Variants in SEL1L2 observed in about 807,000 individuals in gnomAD.
The protein encoded by SEL1L2 is protein sel-1 homolog 2.
SEL1L2 carries 89 observed loss-of-function variants against 98.8 expected under a neutral mutation model. The observed-to-expected ratio is 0.90, with a 90% CI of 0.76 to 1.07. The LOEUF is 1.07. SEL1L2 is among the 50% of genes least tolerant of loss of function. The pLI, the probability that SEL1L2 is intolerant of heterozygous loss-of-function variation, is 0.00. For missense variants in SEL1L2, 788 were observed against 812.0 expected (o/e 0.97, Z 0.36); for synonymous variants, 262 against 278.5 (o/e 0.94, Z 0.59).
intron 5 of SEL1L2, among the ~76,000 whole-genome samples, chr20:13,909,707 T>TG (rs2048131354): frequency 6.6e-6 from 1 of 152,132 alleles, no homozygotes; most frequent in Non-Finnish European, 1.5e-5. Flanking sequence ...AGGCTGGGTG[T>TG]GGTGGCTCAG....
At chr20:13,937,408 A>G (rs1021246978) in intron 2 of SEL1L2, among the ~76,000 whole-genome samples, 4 of 152,212 alleles carry the variant, frequency 2.6e-5, no homozygotes, top group African/African-American at 9.7e-5. Flanking sequence ...TTCGTGCCTT[A>G]CAAAGTCTAG....
chr20:13,870,037 G>T, intron 13 of SEL1L2, 104 bp downstream of exon 13: 1 of 795,638 alleles, frequency 1.3e-6, no homozygotes, highest in Non-Finnish European at 2.1e-6. Flanking sequence ...TCACAGTTTG[G>T]CAAACCAGAT....
chr20:13,882,604 T>C (rs374554310), intron 10 of SEL1L2, among the ~76,000 whole-genome samples: 2 of 152,196 alleles, frequency 1.3e-5, no homozygotes, highest in Non-Finnish European at 2.9e-5. Context: ...CTCTAGCTAA[T>C]GTTCCAGCTA....
At chr20:13,868,237 C>G (rs1397311956) in intron 14 of SEL1L2, among the ~76,000 whole-genome samples, 4 of 152,016 alleles carry the variant, frequency 2.6e-5, no homozygotes, top group African/African-American at 9.7e-5. Context: ...TCATCCTTTC[C>G]ACCCTCTCTC....
At chr20:13,897,932 G>A (rs2047492751) in intron 5 of SEL1L2, among the ~76,000 whole-genome samples, 1 of 151,124 alleles carries the variant, frequency 6.6e-6, no homozygotes, top group Non-Finnish European at 1.5e-5. Flanking sequence ...TGTTAAGATG[G>A]CCACTATAAA....
At chr20:13,909,169 T>C (rs958664743) in intron 5 of SEL1L2, among the ~76,000 whole-genome samples, 2 of 152,180 alleles carry the variant, frequency 1.3e-5, no homozygotes, top group Admixed American at 1.3e-4. Flanking sequence ...TCTGTTGCTA[T>C]GTTGTCCTCA....
chr20:13,945,866 G>C (rs895610202), intron 2 of SEL1L2, among the ~76,000 whole-genome samples: 2 of 151,922 alleles, frequency 1.3e-5, no homozygotes, highest in East Asian at 3.9e-4. Context: ...TGTAGAAAAA[G>C]AATTTGACAA....
intron 2 of SEL1L2, among the ~76,000 whole-genome samples, chr20:13,935,515 C>T (rs753775324): frequency 3.9e-5 from 6 of 152,110 alleles, no homozygotes; most frequent in Admixed American, 6.6e-5. Context: ...GAGTTAGCCA[C>T]GCAAATAAAC....
chr20:13,946,467 A>T lies in SEL1L2; in HGVS notation c.114+9609T>A, dbSNP rs988487641. 8.5e-5 allele frequency among the ~76,000 whole-genome samples: 13 copies of T among 152,360 alleles called. No individual in the cohort carries two copies. The East Asian group carries it at 1.7e-3, about 20-fold the overall frequency. ...AGACTTGTATTAAAAAAACTATAAA[A>T]CTTGCTGAAATAAATTAAAGAAGAC... On this transcript the variant is annotated intron_variant, in intron 2 of 19. Coordinates refer to ENST00000284951, the MANE Select transcript of SEL1L2 (RefSeq NM_025229.2).
intron 2 of SEL1L2, among the ~76,000 whole-genome samples, chr20:13,942,653 T>C (rs1225148227): frequency 6.6e-6 from 1 of 152,188 alleles, no homozygotes; most frequent in Non-Finnish European, 1.5e-5. Flanking sequence ...ACATCAGTCA[T>C]AATACAGTGA....
intron 17 of SEL1L2, 86 bp from the exon 18 acceptor site, chr20:13,859,520 A>G: frequency 8.3e-7 from 1 of 1,202,450 alleles, no homozygotes; most frequent in South Asian, 1.5e-5. Flanking sequence ...ATCTTGTTTC[A>G]GTCCTTTAAA....
At chr20:13,891,394 C>T (rs549914569) in intron 5 of SEL1L2, among the ~76,000 whole-genome samples, 10 of 152,246 alleles carry the variant, frequency 6.6e-5, no homozygotes, top group South Asian at 2.1e-4. Flanking sequence ...CCAGGCCAGG[C>T]GCAGTGGTGC....
intron 1 of SEL1L2, among the ~76,000 whole-genome samples, chr20:13,987,839 TTGA>T (rs1748390645): frequency 2.0e-5 from 3 of 152,236 alleles, no homozygotes; most frequent in Admixed American, 2.0e-4. Flanking sequence ...TGTCATTTTG[TTGA>T]TGAGTTGTAA....
chr20:13,935,310 A>AAACC lies in SEL1L2; in HGVS notation c.115-3543_115-3540dup, dbSNP rs1324009264. ...TGCTCTCAGAGCCAGGGATACAGCC[A>AAACC]AACCAACCAACCAAACAAACAAAGT... On this transcript the variant is annotated intron_variant, in intron 2 of 19. Coordinates refer to ENST00000284951, the MANE Select transcript of SEL1L2 (RefSeq NM_025229.2). Among the ~76,000 whole-genome samples the AAACC allele has an allele frequency of 2.0e-5, 3 of 152,232 alleles. 1 individual carries two copies. The highest frequency in any genetic ancestry group is 1.5e-5 in the Non-Finnish European group (1 of 68,036).
At chr20:13,855,603 A>T (rs1047367573) in intron 18 of SEL1L2, among the ~76,000 whole-genome samples, 3 of 152,196 alleles carry the variant, frequency 2.0e-5, no homozygotes, top group African/African-American at 7.2e-5. Flanking sequence ...TCCAAAGCGT[A>T]TGTTCCTGGT....
intron 1 of SEL1L2, among the ~76,000 whole-genome samples, chr20:13,959,098 G>C (rs529077148): frequency 1.3e-5 from 2 of 152,112 alleles, no homozygotes; most frequent in East Asian, 3.9e-4. Context: ...ATGGTTGTTC[G>C]GCATTTGAAG....
intron 1 of SEL1L2, among the ~76,000 whole-genome samples, chr20:13,977,745 A>G (rs183766945): frequency 6.6e-5 from 10 of 152,316 alleles, no homozygotes; most frequent in Admixed American, 1.3e-4. Flanking sequence ...CCTCTCTCCA[A>G]TAAGTGCTAC....
intron 4 of SEL1L2, among the ~76,000 whole-genome samples, chr20:13,917,790 T>C (rs924593555): frequency 2.7e-5 from 2 of 73,212 alleles, no homozygotes; most frequent in African/African-American, 1.0e-4. Context: ...TTCTTTCTTT[T>C]TTTTTTTTTT....
chr20:13,857,021 T>G (rs1248201802), intron 18 of SEL1L2, among the ~76,000 whole-genome samples: 1 of 152,208 alleles, frequency 6.6e-6, no homozygotes, highest in Non-Finnish European at 1.5e-5. Flanking sequence ...ATTTTAAGAA[T>G]TAGAGAAGGT....
Sources: gnomAD v4.1 joint callset for allele counts (sites outside exome capture counted in the v4.1 genomes callset) on GRCh38, gnomAD v4.1.1 for gene constraint, MANE v1.5 for transcripts, NCBI Gene and HGNC (gene_info 2026-07-23, HGNC 2026-07-21) for gene names.